Variants in THAP8 observed in about 807,000 individuals in gnomAD.
The protein encoded by THAP8 is THAP domain containing 8, also known as THAP domain-containing protein 8.
Under a neutral mutation model 25.0 loss-of-function variants are expected in THAP8, and 24 were observed. The ratio of observed to expected loss-of-function variants is 0.96; its 90% CI spans 0.69 to 1.35. THAP8 has a LOEUF of 1.35. Ranked by LOEUF, THAP8 falls within the 40% of genes most tolerant of loss-of-function variation. THAP8 has a pLI of 0.00. For missense variants in THAP8, 399 were observed against 368.8 expected (o/e 1.08, Z -0.67); for synonymous variants, 169 against 157.6 (o/e 1.07, Z -0.54).
intron 1 of THAP8, among the ~76,000 whole-genome samples, chr19:36,041,412 G>A (rs1237705716): frequency 1.3e-5 from 2 of 152,126 alleles, no homozygotes; most frequent in East Asian, 1.9e-4. Context: ...AAATAATTAC[G>A]GATAAAAGAT....
At chr19:36,048,296 T>A (rs546801884) in intron 1 of THAP8, among the ~76,000 whole-genome samples, 4 of 152,122 alleles carry the variant, frequency 2.6e-5, no homozygotes, top group African/African-American at 9.6e-5. Flanking sequence ...TCCCAGCACT[T>A]TGGGAGGCTA....
chr19:36,046,707 T>C (rs1480030138), intron 1 of THAP8, among the ~76,000 whole-genome samples: 1 of 152,216 alleles, frequency 6.6e-6, no homozygotes, highest in Non-Finnish European at 1.5e-5. Flanking sequence ...TCCCCATTCT[T>C]ATTGCCACCA....
intron 1 of THAP8, among the ~76,000 whole-genome samples, chr19:36,043,091 G>C (rs536919662): frequency 5.1e-4 from 77 of 152,158 alleles, no homozygotes; most frequent in Admixed American, 4.7e-3. Flanking sequence ...ACTGCACCTG[G>C]CTATTTTTGT....
At chr19:36,054,336 T>A, upstream of THAP8, 1 of 1,218,336 alleles carries the variant, frequency 8.2e-7, no homozygotes, top group Non-Finnish European at 1.2e-6. Flanking sequence ...GTCCGTGGAG[T>A]CTCGTCACGT....
At chr19:36,040,483 C>T (rs546694132) in intron 1 of THAP8, among the ~76,000 whole-genome samples, 9 of 152,220 alleles carry the variant, frequency 5.9e-5, no homozygotes, top group South Asian at 2.1e-4. Flanking sequence ...CACGCCACCA[C>T]GCCCGGCTAA....
intron 1 of THAP8, among the ~76,000 whole-genome samples, chr19:36,049,533 T>C (rs1599727568): frequency 6.6e-6 from 1 of 152,282 alleles, no homozygotes; most frequent in East Asian, 1.9e-4. Flanking sequence ...ATCTAACTCT[T>C]AACTAAGTGG....
chr19:36,054,489 C>T, upstream of THAP8: 1 of 579,768 alleles, frequency 1.7e-6, no homozygotes, highest in Non-Finnish European at 3.1e-6. Context: ...ACTTTCATCA[C>T]GTGTTGGGGG....
At chr19:36,044,627 C>G (rs1253361428) in intron 1 of THAP8, among the ~76,000 whole-genome samples, 3 of 152,144 alleles carry the variant, frequency 2.0e-5, no homozygotes, top group Admixed American at 6.5e-5. Flanking sequence ...GTACCTGGGA[C>G]CACAGGCATG....
intron 1 of THAP8, among the ~76,000 whole-genome samples, chr19:36,043,589 A>C (rs1483998057): frequency 6.6e-6 from 1 of 152,164 alleles, no homozygotes; most frequent in Non-Finnish European, 1.5e-5. Flanking sequence ...TTAATAGGCC[A>C]GGCACGGTGG....
intron 1 of THAP8, among the ~76,000 whole-genome samples, chr19:36,041,886 T>C (rs2145438378): frequency 6.6e-6 from 1 of 151,504 alleles, no homozygotes; most frequent in East Asian, 2.0e-4. Context: ...TCCAAGACCA[T>C]CCTGGGCAAT....
chr19:36,041,893 C>CA (rs1281637351), intron 1 of THAP8, among the ~76,000 whole-genome samples: 2 of 152,072 alleles, frequency 1.3e-5, no homozygotes, highest in Admixed American at 6.6e-5. Context: ...CCATCCTGGG[C>CA]AATGTAGCAA....
At chr19:36,045,332 G>A (rs1969842859) in intron 1 of THAP8, among the ~76,000 whole-genome samples, 1 of 149,000 alleles carries the variant, frequency 6.7e-6, no homozygotes, top group Non-Finnish European at 1.5e-5. Context: ...GCTGTGGTGT[G>A]ATCTCGGCTC....
At chr19:36,054,478 G>T, upstream of THAP8, 1 of 584,960 alleles carries the variant, frequency 1.7e-6, no homozygotes. Flanking sequence ...TCGTCACCCC[G>T]ACTTTCATCA....
Position 36,035,440 on chromosome 19 carries a change from T to A in THAP8, c.825A>T (p.Ter275TyrextTer12), listed in dbSNP as rs1969397800. 1 of 1,613,608 alleles carries A rather than the reference T, an allele frequency of 6.2e-7. No individual in the cohort carries two copies. Residue 275 changes from the stop codon to tyrosine, a stop_lost, in exon 4 of 4, where the codon TAA becomes TAT. Transcript: ENST00000292894. ...CCCTCGACATTGTCTGTCTTGATCC[T>A]TATGCACTGGGGATCCGAGTGTCCA... ...ELLDTRIPSA* is the reference protein window; with the variant it reads ...ELLDTRIPSAY
At chr19:36,052,917 T>A (rs1970096147) in intron 1 of THAP8, among the ~76,000 whole-genome samples, 1 of 152,194 alleles carries the variant, frequency 6.6e-6, no homozygotes, top group African/African-American at 2.4e-5. Flanking sequence ...ATCTGCAGTA[T>A]GTCCAAGAGA....
At position 36,038,648 on chromosome 19, in the gene THAP8, G is replaced by A. The variant is rs148665601; in HGVS notation, c.672+675C>T. On this transcript the variant is annotated intron_variant, in intron 3 of 3. Transcript: ENST00000292894. ...AGGTGGATCACGAGGTGAGGAGATC[G>A]AGACCATCCTGGCTAACACGGTGAA... Among the ~76,000 whole-genome samples, 1,094 of 152,252 alleles carry A rather than the reference G, an allele frequency of 7.2e-3. 17 individuals carry two copies. The highest frequency in any genetic ancestry group is 0.026 in the African/African-American group (1,061 of 41,548).
Position 36,054,154 on chromosome 19 carries a change from G to A in THAP8, c.64C>T (p.Arg22Cys). The A allele has an allele frequency of 1.9e-6, 3 of 1,613,882 alleles. No homozygotes were observed. In the South Asian group the frequency reaches 3.3e-5, roughly 18 times the overall value. ...GCTCACTTGTAGAAGCTCACAGGGC[G>A]GTTGTCTGCACCCAGGCGGCCCGCA... ...NTAGRLGADNRPVSFYKFPLK... is the reference protein window; with the variant it reads ...NTAGRLGADNCPVSFYKFPLK... The change falls in exon 1 of 4, where the codon CGC becomes TGC. Residue 22 changes from arginine to cysteine, a missense_variant. Coordinates refer to ENST00000292894, the MANE Select transcript of THAP8 (RefSeq NM_152658.3).
chr19:36,051,335 T>A (rs1970050199), intron 1 of THAP8, among the ~76,000 whole-genome samples: 1 of 152,174 alleles, frequency 6.6e-6, no homozygotes, highest in Non-Finnish European at 1.5e-5. Context: ...TCTGTAGGAC[T>A]TTGCAGGCCT....
intron 1 of THAP8, among the ~76,000 whole-genome samples, chr19:36,051,721 T>C (rs1235625430): frequency 6.6e-6 from 1 of 152,092 alleles, no homozygotes; most frequent in Non-Finnish European, 1.5e-5. Flanking sequence ...TCAGATTTAT[T>C]TACAATGGCA....
Sources: allele counts gnomAD v4.1 joint callset (sites outside exome capture counted in the v4.1 genomes callset), GRCh38; gene constraint gnomAD v4.1.1; transcripts MANE v1.5; gene names NCBI Gene and HGNC (gene_info 2026-07-23, HGNC 2026-07-21).